The following VGLL4 variants were observed in gnomAD, a reference collection of about 807,000 sequenced individuals.
VGLL4 encodes vestigial like family member 4, also known as transcription cofactor vestigial-like protein 4.
VGLL4 carries 7 observed loss-of-function variants against 21.0 expected under a neutral mutation model. The ratio of observed to expected loss-of-function variants is 0.33; its 90% CI spans 0.19 to 0.63. VGLL4 has a LOEUF of 0.63. Ranked by LOEUF, VGLL4 falls within the 20% of genes least tolerant of loss-of-function variation. The pLI, the probability that VGLL4 is intolerant of heterozygous loss-of-function variation, is 0.78. For synonymous variants in VGLL4, 222 were observed against 173.2 expected (o/e 1.28, Z -2.21); for missense variants, 394 against 425.7 (o/e 0.93, Z 0.66).
At chr3:11,713,966 G>A (rs1337922054) in intron 1 of VGLL4, among the ~76,000 whole-genome samples, 3 of 152,118 alleles carry the variant, frequency 2.0e-5, no homozygotes, top group Non-Finnish European at 4.4e-5. Flanking sequence ...CCCTGCAGGA[G>A]GGCAGGGGTA....
chr3:11,582,457 G>GC (rs1277289657), intron 2 of VGLL4: 4 of 1,305,914 alleles, frequency 3.1e-6, no homozygotes, highest in African/African-American at 1.5e-5. Flanking sequence ...GGGCCTGCTT[G>GC]CCCCCTGCAC....
intron 1 of VGLL4, among the ~76,000 whole-genome samples, chr3:11,620,535 T>G (rs929309098): frequency 2.0e-5 from 3 of 152,298 alleles, no homozygotes; most frequent in Non-Finnish European, 4.4e-5. Flanking sequence ...AAACCTTTGC[T>G]TGCACCTCTT....
At position 11,579,229 on chromosome 3, in the gene VGLL4, A is replaced by C. The variant is rs2074155029; in HGVS notation, c.273-14210T>G. ...CAAGCTAACTTTCTAAAAAAAAAAA[A>C]AAAAACCAGACTGCTTTACAGAAAC... On this transcript the variant is annotated intron_variant, in intron 2 of 4. Transcript: ENST00000430365. Among the ~76,000 whole-genome samples the C allele has an allele frequency of 2.6e-5, 4 of 151,876 alleles. No individual in the cohort carries two copies. The South Asian group carries it at 8.3e-4, about 32-fold the overall frequency.
At chr3:11,622,029 A>ATAT (rs10637660) in intron 1 of VGLL4, among the ~76,000 whole-genome samples, 15,052 of 152,168 alleles carry the variant, frequency 0.099, 1,141 homozygotes, top group African/African-American at 0.2. Flanking sequence ...AGTTCTATAC[A>ATAT]TCTCAATACA....
chr3:11,703,540 C>T (rs1207470283), intron 1 of VGLL4, among the ~76,000 whole-genome samples: 1 of 152,158 alleles, frequency 6.6e-6, no homozygotes, highest in African/African-American at 2.4e-5. Flanking sequence ...TATGTTAAAA[C>T]GTCATGTTTT....
At chr3:11,600,376 A>G (rs1381604905) in intron 2 of VGLL4, among the ~76,000 whole-genome samples, 1 of 151,912 alleles carries the variant, frequency 6.6e-6, no homozygotes, top group Non-Finnish European at 1.5e-5. Flanking sequence ...AAAAGAAAAA[A>G]AAAAAAAGAC....
intron 2 of VGLL4, among the ~76,000 whole-genome samples, chr3:11,582,587 T>C (rs192882159): frequency 2.0e-5 from 3 of 152,228 alleles, no homozygotes; most frequent in East Asian, 1.9e-4. Context: ...GGTGAGAAAA[T>C]AGATTTGCTG....
intron 1 of VGLL4, among the ~76,000 whole-genome samples, chr3:11,619,538 A>T (rs1258159156): frequency 6.6e-6 from 1 of 152,180 alleles, no homozygotes; most frequent in African/African-American, 2.4e-5. Context: ...GAGACCATGG[A>T]TGCAGCAGTC....
chr3:11,602,921 G>A (rs750801546), intron 1 of VGLL4, among the ~76,000 whole-genome samples: 8 of 152,258 alleles, frequency 5.3e-5, no homozygotes, highest in Non-Finnish European at 8.8e-5. Context: ...GTCACATGGG[G>A]GGAGCACCTA....
upstream of VGLL4, among the ~76,000 whole-genome samples, chr3:11,646,266 T>C (rs973080338): frequency 2.6e-5 from 4 of 152,244 alleles, no homozygotes; most frequent in Non-Finnish European, 4.4e-5. Flanking sequence ...ATCATTGCAC[T>C]GAAAACAAAC....
Position 11,643,626 on chromosome 3 carries a change from C to CAGA in VGLL4, c.-111_-109dup, listed in dbSNP as rs1387504701. 1.5e-5 allele frequency: 23 copies of CAGA among 1,567,328 alleles called. No individual in the cohort carries two copies. Among genetic ancestry groups the CAGA allele is most frequent in the Non-Finnish European group, 2.0e-5 (23 of 1,160,900 alleles). On this transcript the variant is annotated 5_prime_UTR_variant, in exon 1 of 5. Coordinates refer to ENST00000430365, the MANE Select transcript of VGLL4 (RefSeq NM_001128219.3). ...TCCTGGCTCTTCAACTTCACAAAGG[C>CAGA]AGAGGCCCAGCCTCAGACTATCAAA...
chr3:11,562,662 G>A (rs937854193), intron 3 of VGLL4, among the ~76,000 whole-genome samples: 3 of 152,368 alleles, frequency 2.0e-5, no homozygotes, highest in East Asian at 1.9e-4. Flanking sequence ...CCACGCTGCC[G>A]CAGGAAGGAG....
At chr3:11,697,828 C>T (rs1386686393) in intron 2 of VGLL4, among the ~76,000 whole-genome samples, 1 of 152,072 alleles carries the variant, frequency 6.6e-6, no homozygotes, top group Non-Finnish European at 1.5e-5. Context: ...ATTAGTCAAC[C>T]TTCAATAATC....
Position 11,679,030 on chromosome 3 carries a change from G to A in VGLL4, c.64+23941C>T, listed in dbSNP as rs375039363. On this transcript the variant is annotated intron_variant, in intron 2 of 5. Transcript: ENST00000273038. ...ATAAAAGTTTGGCAGATACAATTAC[G>A]TGCAGTATATAATAATAATGAGAAT... 1.8e-4 allele frequency among the ~76,000 whole-genome samples: 27 copies of A among 152,244 alleles called. No individual in the cohort carries two copies. In the East Asian group the frequency reaches 2.1e-3, roughly 12 times the overall value.
intron 3 of VGLL4, among the ~76,000 whole-genome samples, chr3:11,564,069 A>G (rs1290243858): frequency 1.3e-5 from 2 of 152,202 alleles, no homozygotes; most frequent in Non-Finnish European, 1.5e-5. Flanking sequence ...AATGCTGACT[A>G]CTGACTAAGG....
chr3:11,627,460 T>G (rs531053402), intron 1 of VGLL4: 1 of 151,886 alleles, frequency 6.6e-6, no homozygotes, highest in Non-Finnish European at 1.5e-5. Flanking sequence ...CCGGGCGTGG[T>G]GGCAGGCGCC....
intron 1 of VGLL4, among the ~76,000 whole-genome samples, chr3:11,705,916 G>A (rs1489976078): frequency 6.4e-5 from 6 of 94,414 alleles, no homozygotes; most frequent in East Asian, 2.6e-4. Flanking sequence ...GCGAGACTCC[G>A]TCTCAAAAAA....
chr3:11,634,352 AC>A (rs2075544965), intron 1 of VGLL4, among the ~76,000 whole-genome samples: 1 of 151,812 alleles, frequency 6.6e-6, no homozygotes, highest in Non-Finnish European at 1.5e-5. Flanking sequence ...TCAATCCATC[AC>A]CAATCCCTGC....
intron 1 of VGLL4, among the ~76,000 whole-genome samples, chr3:11,606,059 G>A (rs1032357621): frequency 2.6e-5 from 4 of 152,192 alleles, no homozygotes; most frequent in African/African-American, 9.7e-5. Context: ...TGGATTCATA[G>A]TTCCACATGC....
Sources: gnomAD v4.1 joint callset for allele counts (sites outside exome capture counted in the v4.1 genomes callset) on GRCh38, gnomAD v4.1.1 for gene constraint, MANE v1.5 for transcripts, NCBI Gene and HGNC (gene_info 2026-07-23, HGNC 2026-07-21) for gene names.